CPM: variants seen among roughly 807,000 people sequenced by gnomAD.
CPM encodes the protein renal carboxypeptidase.
Under a neutral mutation model 46.4 loss-of-function variants are expected in CPM, and 35 were observed. The ratio of observed to expected loss-of-function variants is 0.75; its 90% CI spans 0.58 to 1.00. The LOEUF is 1.00. Ranked by LOEUF, CPM falls within the 50% of genes least tolerant of loss-of-function variation. CPM has a pLI of 0.00. For synonymous variants in CPM, 195 were observed against 195.3 expected (o/e 1.00, Z 0.01); for missense variants, 422 against 530.4 (o/e 0.80, Z 2.01).
intron 1 of CPM, among the ~76,000 whole-genome samples, chr12:68,958,044 G>C (rs1045251300): frequency 1.3e-5 from 2 of 152,090 alleles, no homozygotes; most frequent in African/African-American, 4.8e-5. Flanking sequence ...TGGCTGCAAA[G>C]TATTCCATGG....
chr12:68,856,734 C>A, intron 8 of CPM, 55 bp from the exon 9 acceptor site: 1 of 1,584,690 alleles, frequency 6.3e-7, no homozygotes, highest in South Asian at 1.2e-5. Context: ...TCGTGGTGCC[C>A]ACACTGAAAA....
At chr12:68,889,760 A>G (rs973572132) in intron 2 of CPM, among the ~76,000 whole-genome samples, 2 of 152,124 alleles carry the variant, frequency 1.3e-5, no homozygotes, top group African/African-American at 4.8e-5. Flanking sequence ...GCTTAAGGAG[A>G]TGAATAACTC....
At chr12:68,889,738 C>T (rs552378600) in intron 2 of CPM, among the ~76,000 whole-genome samples, 43 of 152,194 alleles carry the variant, frequency 2.8e-4, no homozygotes, top group African/African-American at 9.2e-4. Flanking sequence ...AGATTCTCCC[C>T]GGGGCCTGAA....
intron 6 of CPM, 82 bp from the exon 7 acceptor site, chr12:68,867,130 TCAGA>T (rs1256076927): frequency 7.4e-6 from 10 of 1,342,770 alleles, no homozygotes; most frequent in Non-Finnish European, 1.1e-5. Flanking sequence ...GACAAATGAA[TCAGA>T]CAGCTACATG....
At chr12:68,883,382 A>G (rs1398027898) in intron 3 of CPM, among the ~76,000 whole-genome samples, 1 of 152,192 alleles carries the variant, frequency 6.6e-6, no homozygotes, top group Non-Finnish European at 1.5e-5. Context: ...CGGCATGGGG[A>G]GGACAGAATA....
chr12:68,927,466 C>T (rs1158404481), intron 2 of CPM, among the ~76,000 whole-genome samples: 1 of 151,842 alleles, frequency 6.6e-6, no homozygotes, highest in Non-Finnish European at 1.5e-5. Context: ...GGATATTAGC[C>T]CTTTGTCAGA....
At chr12:68,935,616 ATTGTAGAGTCT>A (rs1007150017), upstream of CPM, among the ~76,000 whole-genome samples, 5 of 150,700 alleles carry the variant, frequency 3.3e-5, no homozygotes, top group Non-Finnish European at 7.4e-5. Flanking sequence ...TTAGTATGAC[ATTGTAGAGTCT>A]TTGAGTAGGT....
At chr12:68,915,805 G>A (rs1363440338) in intron 2 of CPM, among the ~76,000 whole-genome samples, 2 of 152,190 alleles carry the variant, frequency 1.3e-5, no homozygotes, top group Non-Finnish European at 2.9e-5. Context: ...TTGGGTTACC[G>A]AACCGAATCT....
At chr12:68,926,770 G>A (rs1023944246) in intron 2 of CPM, among the ~76,000 whole-genome samples, 5 of 151,924 alleles carry the variant, frequency 3.3e-5, no homozygotes, top group African/African-American at 7.3e-5. Flanking sequence ...TGTCCAATGT[G>A]TTCTCATTGT....
chr12:68,891,951 G>A (rs1312652291), intron 2 of CPM, among the ~76,000 whole-genome samples: 1 of 152,108 alleles, frequency 6.6e-6, no homozygotes, highest in Non-Finnish European at 1.5e-5. Context: ...TGGCCAGGCT[G>A]GTCTCGAACT....
At chr12:68,879,837 G>C (rs1329185411) in intron 3 of CPM, among the ~76,000 whole-genome samples, 4 of 152,276 alleles carry the variant, frequency 2.6e-5, no homozygotes, top group Non-Finnish European at 5.9e-5. Flanking sequence ...GGAGGGCTGG[G>C]GAAGATTTTC....
At chr12:68,878,724 C>T (rs546680261) in intron 3 of CPM, among the ~76,000 whole-genome samples, 19 of 152,306 alleles carry the variant, frequency 1.2e-4, no homozygotes, top group African/African-American at 4.1e-4. Flanking sequence ...CTTTCTCTAT[C>T]GCAATTCCCC....
intron 1 of CPM, among the ~76,000 whole-genome samples, chr12:68,959,426 A>G (rs1020965818): frequency 6.6e-6 from 1 of 152,134 alleles, no homozygotes; most frequent in Non-Finnish European, 1.5e-5. Flanking sequence ...AAAAAAAATT[A>G]CCTAAAGGAG....
intron 3 of CPM, among the ~76,000 whole-genome samples, chr12:68,878,898 G>T (rs1020740665): frequency 3.3e-5 from 5 of 152,202 alleles, no homozygotes; most frequent in Admixed American, 1.3e-4. Context: ...AAGCAGAATT[G>T]CAATTTAGGC....
chr12:68,845,541 G>A (rs1383532270), intron 5 of CPM: 5 of 188,622 alleles, frequency 2.7e-5, no homozygotes, highest in South Asian at 1.9e-4. Context: ...ATAGTTGATT[G>A]TCTTTAGAGA....
At chr12:68,885,747 G>T (rs547209140) in intron 3 of CPM, 45 bp downstream of exon 3, 1 of 1,483,318 alleles carries the variant, frequency 6.7e-7, no homozygotes, top group Admixed American at 1.7e-5. Flanking sequence ...GACCCTAGGG[G>T]AAGCTTCTCT....
intron 6 of CPM, among the ~76,000 whole-genome samples, chr12:68,867,872 A>AT (rs1286727716): frequency 1.3e-5 from 2 of 152,312 alleles, no homozygotes; most frequent in African/African-American, 4.8e-5. Flanking sequence ...GGCATTATGG[A>AT]TCCCTAGCAG....
At chr12:68,920,017 A>G (rs1416765759) in intron 2 of CPM, among the ~76,000 whole-genome samples, 1 of 152,212 alleles carries the variant, frequency 6.6e-6, no homozygotes, top group East Asian at 1.9e-4. Context: ...TGTCCTCACA[A>G]TAATGAGTGA....
rs1884900951 is a variant in CPM at position 68,855,025 on chromosome 12, T to A, written c.*1412A>T. 1 of 145,494 alleles carries A rather than the reference T, an allele frequency of 6.9e-6. No homozygotes were observed. The highest frequency in any genetic ancestry group is 2.5e-5 in the African/African-American group (1 of 39,998). 9.0% of individuals were successfully genotyped at this position (145,494 alleles called of 1,614,324 possible). On this transcript the variant is annotated 3_prime_UTR_variant, in exon 9 of 9. Coordinates refer to ENST00000551568, the MANE Select transcript of CPM (RefSeq NM_198320.5). ...GCATGCACCACCACGCCCGACTAAT[T>A]TTTTTTTTTTTTTTAGTAGAGATGG...
Sources: gnomAD v4.1 joint callset for allele counts (sites outside exome capture counted in the v4.1 genomes callset) on GRCh38, gnomAD v4.1.1 for gene constraint, MANE v1.5 for transcripts, NCBI Gene and HGNC (gene_info 2026-07-23, HGNC 2026-07-21) for gene names.